SEL1L3: variants seen among roughly 807,000 people sequenced by gnomAD.
SEL1L3 encodes protein sel-1 homolog 3.
In SEL1L3, 76 loss-of-function variants were observed where a neutral mutation model predicts 142.8. That is an observed-to-expected ratio of 0.53 (90% CI 0.44 to 0.64). The LOEUF (loss-of-function observed/expected upper bound fraction) is 0.64, where lower values mean the gene tolerates loss of function less well. Among genes scored for constraint, SEL1L3 ranks in the 30% least tolerant of loss-of-function variants. The probability of loss-of-function intolerance (pLI) is 0.00; values close to 1 mark genes in which losing one functional copy is unlikely to be tolerated. For synonymous variants in SEL1L3, 504 were observed against 519.6 expected (o/e 0.97, Z 0.41); for missense variants, 1,262 against 1,381.7 (o/e 0.91, Z 1.37).
At chr4:25,757,494 T>TTTTTTAATATA in intron 23 of SEL1L3, 40 bp downstream of exon 23, 1 of 1,399,738 alleles carries the variant, frequency 7.1e-7, no homozygotes, top group Admixed American at 2.8e-5. Context: ...CTGCTTTTTT[T>TTTTTTAATATA]TTTTTTAATA....
At chr4:25,822,469 G>C (rs554251448) in intron 6 of SEL1L3, among the ~76,000 whole-genome samples, 1 of 152,322 alleles carries the variant, frequency 6.6e-6, no homozygotes, top group East Asian at 1.9e-4. Context: ...ACAGTAAATA[G>C]TCAATATGTG....
intron 1 of SEL1L3, among the ~76,000 whole-genome samples, chr4:25,860,921 C>G (rs1028457118): frequency 2.0e-5 from 3 of 152,152 alleles, no homozygotes; most frequent in Non-Finnish European, 4.4e-5. Flanking sequence ...CCTTGGTGTA[C>G]ACAGAACTTT....
downstream of SEL1L3, among the ~76,000 whole-genome samples, chr4:25,743,080 G>A (rs898682145): frequency 3.3e-5 from 5 of 152,144 alleles, no homozygotes; most frequent in East Asian, 3.8e-4. Context: ...GCGGCAAATC[G>A]GAAAGGACAG....
intron 5 of SEL1L3, among the ~76,000 whole-genome samples, chr4:25,831,225 C>T (rs554043743): frequency 6.4e-4 from 98 of 152,206 alleles, no homozygotes; most frequent in Middle Eastern, 3.4e-3. Flanking sequence ...TCTAAACTCC[C>T]TGATATCCAA....
chr4:25,756,082 C>T (rs752390386), intron 23 of SEL1L3: 76 of 985,234 alleles, frequency 7.7e-5, no homozygotes, highest in African/African-American at 1.6e-4. Context: ...TCCTTCTCAC[C>T]GTGGAAGAGA....
chr4:25,724,548 T>C, the SEL1L3 span, among the ~76,000 whole-genome samples: 1 of 151,710 alleles, frequency 6.6e-6, no homozygotes, highest in African/African-American at 2.4e-5. Context: ...GAGACTATCC[T>C]GGCTAACACA....
At chr4:25,770,739 CAAAA>C (rs57317400) in intron 17 of SEL1L3, among the ~76,000 whole-genome samples, 7 of 97,376 alleles carry the variant, frequency 7.2e-5, no homozygotes, top group Admixed American at 1.1e-4. Context: ...GACTCTGTCT[CAAAA>C]AAAAAAAAAA....
chr4:25,776,575 T>G, intron 16 of SEL1L3: 1 of 513,354 alleles, frequency 1.9e-6, no homozygotes, highest in Non-Finnish European at 3.5e-6. Context: ...GGAGTTGTCT[T>G]TTATGGAAAC....
Position 25,782,327 on chromosome 4 carries a change from T to C in SEL1L3, c.2372A>G (p.Glu791Gly). ...AKAAKYWLKAEEMGNPDASYN... is the reference protein window; with the variant it reads ...AKAAKYWLKAGEMGNPDASYN... ...TGACGCATCTGGGTTCCCCATTTCT[T>C]CTGCTTTTAACCAGTACTTTGCTGC... The change falls in exon 15 of 24, where the codon GAA becomes GGA. Residue 791 changes from glutamate (E) to glycine (G), a missense_variant. Physicochemically the swap from Glu to Gly is moderately conservative, Grantham distance 98 (BLOSUM62 -2). This residue lies in a region of SEL1L3 where 435 missense variants were observed against 559.2 expected (regional missense o/e 0.78). Coordinates refer to ENST00000399878, the MANE Select transcript of SEL1L3 (RefSeq NM_015187.5). 6.2e-7 allele frequency: 1 copy of C among 1,613,960 alleles called. No homozygotes were observed. Among genetic ancestry groups the C allele is most frequent in the Non-Finnish European group, 8.5e-7 (1 of 1,179,822 alleles).
rs762357512 is a variant in SEL1L3 at position 25,840,857 on chromosome 4, C to T, written c.734-5534G>A. Among the ~76,000 whole-genome samples the T allele has an allele frequency of 9.2e-5, 14 of 152,154 alleles. 1 individual carries two copies. Among genetic ancestry groups the T allele is most frequent in the African/African-American group, 2.9e-4 (12 of 41,430 alleles). On this transcript the variant is annotated intron_variant, in intron 2 of 23. Coordinates refer to ENST00000399878, the MANE Select transcript of SEL1L3 (RefSeq NM_015187.5). The stretch of plus-strand genomic sequence containing the variant: ...AACACCATGCTCTAGGCAGCCACCC[C>T]CAAGCAACACAAGCTAGCCTGTGAG...
At chr4:25,751,838 C>T (rs564843511) in intron 23 of SEL1L3, among the ~76,000 whole-genome samples, 38 of 151,964 alleles carry the variant, frequency 2.5e-4, no homozygotes, top group African/African-American at 8.0e-4. Flanking sequence ...GGGCTGGGCA[C>T]GGTGGCTCAC....
the SEL1L3 span, among the ~76,000 whole-genome samples, chr4:25,741,295 A>G: frequency 2.0e-3 from 296 of 150,284 alleles, 2 homozygotes; most frequent in African/African-American, 6.9e-3. Context: ...GTAGAGACGG[A>G]GTTTTACTAT....
Position 25,833,045 on chromosome 4 carries a change from T to A in SEL1L3, c.1048A>T (p.Ile350Leu), listed in dbSNP as rs1715543977. 2 of 1,612,938 alleles carry A rather than the reference T, an allele frequency of 1.2e-6. No homozygotes were observed. Among genetic ancestry groups the A allele is most frequent in the African/African-American group, 2.7e-5 (2 of 75,038 alleles). Residue 350 changes from isoleucine to leucine, a missense_variant, in exon 5 of 24, where the codon ATA becomes TTA. Transcript: ENST00000399878. ...AGTCGAAACCACTCCTTCAAAGGTA[T>A]GATGAATTTAGTTTTTACAGCAAGG... is the stretch of plus-strand genomic sequence containing the variant. Reference protein sequence around the residue: ...EDLAVKTKFIIPLKEWFRLDI... With the variant: ...EDLAVKTKFILPLKEWFRLDI...
chr4:25,776,012 G>A (rs1719589879), intron 17 of SEL1L3, among the ~76,000 whole-genome samples: 1 of 152,198 alleles, frequency 6.6e-6, no homozygotes, highest in African/African-American at 2.4e-5. Flanking sequence ...TTAAAGGAAA[G>A]AGAAATCAAT....
the SEL1L3 span, among the ~76,000 whole-genome samples, chr4:25,723,215 G>A: frequency 0.17 from 25,405 of 152,144 alleles, 2,584 homozygotes; most frequent in African/African-American, 0.29. Context: ...TATCTTTTTG[G>A]GTGTTATCTC....
chr4:25,847,886 T>A (rs1187107132), intron 1 of SEL1L3, 22 bp from the exon 2 acceptor site: 1 of 1,414,874 alleles, frequency 7.1e-7, no homozygotes, highest in Non-Finnish European at 9.5e-7. Context: ...AAAAAGAAAG[T>A]AAGAAATACA....
chr4:25,841,467 TTAAAA>T lies in SEL1L3; in HGVS notation c.733+5822_733+5826del. ...AACTTTTTTTCAGTGAATGAATGACTTAAAATAAATAAATAGCTTCATGACATCAC... is the reference window on the plus strand; with the variant it reads ...AACTTTTTTTCAGTGAATGAATGACTTAAATAAATAGCTTCATGACATCAC... On this transcript the variant is annotated intron_variant, in intron 2 of 23. Transcript: ENST00000399878. 3.9e-5 allele frequency among the ~76,000 whole-genome samples: 6 copies of T among 152,318 alleles called. No homozygotes were observed. The East Asian group carries it at 9.6e-4, about 24-fold the overall frequency.
intron 9 of SEL1L3, among the ~76,000 whole-genome samples, chr4:25,814,654 C>T (rs566517393): frequency 2.0e-5 from 3 of 149,820 alleles, no homozygotes; most frequent in Non-Finnish European, 4.4e-5. Flanking sequence ...GCAGGAAGAA[C>T]TTGGAACGAA....
At chr4:25,793,090 C>A (rs1252323256) in intron 11 of SEL1L3, among the ~76,000 whole-genome samples, 3 of 152,170 alleles carry the variant, frequency 2.0e-5, no homozygotes, top group Non-Finnish European at 4.4e-5. Flanking sequence ...CATGAATATC[C>A]TCATTTCACA....
Sources: gnomAD v4.1 joint callset for allele counts (sites outside exome capture counted in the v4.1 genomes callset) on GRCh38, gnomAD v4.1.1 for gene constraint, gnomAD v4.1.1 regional missense constraint, MANE v1.5 for transcripts, NCBI Gene and HGNC (gene_info 2026-07-23, HGNC 2026-07-21) for gene names.